Variants in EYS observed in about 807,000 individuals in gnomAD.
EYS encodes the protein EGF-like photoreceptor maintenance factor, also known as protein eyes shut homolog.
Under a neutral mutation model 282.1 loss-of-function variants are expected in EYS, and 250 were observed. The ratio of observed to expected loss-of-function variants is 0.89; its 90% CI spans 0.80 to 0.98. The LOEUF (loss-of-function observed/expected upper bound fraction) is 0.98, where lower values mean the gene tolerates loss of function less well. EYS is among the 50% of genes least tolerant of loss of function. The probability of loss-of-function intolerance (pLI) is 0.00; values close to 1 mark genes in which losing one functional copy is unlikely to be tolerated. For synonymous variants in EYS, 1,355 were observed against 1,282.9 expected (o/e 1.06, Z -1.20); for missense variants, 4,016 against 3,709.0 (o/e 1.08, Z -2.15).
chr6:65,560,391 T>G (rs1200039647), intron 2 of EYS, among the ~76,000 whole-genome samples: 1 of 147,336 alleles, frequency 6.8e-6, no homozygotes, highest in African/African-American at 2.5e-5. Flanking sequence ...ATATTGTATA[T>G]AATATATAAC....
At chr6:65,457,450 G>A (rs1764668627) in intron 5 of EYS, among the ~76,000 whole-genome samples, 1 of 152,000 alleles carries the variant, frequency 6.6e-6, no homozygotes, top group Non-Finnish European at 1.5e-5. Context: ...TAGATGTGAG[G>A]CACTGTGCCT....
chr6:65,631,793 C>G (rs991783623), intron 2 of EYS, among the ~76,000 whole-genome samples: 1 of 152,006 alleles, frequency 6.6e-6, no homozygotes, highest in Non-Finnish European at 1.5e-5. Flanking sequence ...AGTAGGTGTT[C>G]CAGGAACTGT....
At chr6:65,543,759 C>T (rs74344482) in intron 2 of EYS, among the ~76,000 whole-genome samples, 261 of 152,190 alleles carry the variant, frequency 1.7e-3, no homozygotes, top group Middle Eastern at 6.8e-3. Context: ...TTTGCTCTAA[C>T]ATTGTGAATC....
chr6:64,792,159 G>A (rs2150001087), intron 22 of EYS, among the ~76,000 whole-genome samples: 1 of 151,820 alleles, frequency 6.6e-6, no homozygotes, highest in Admixed American at 6.6e-5. Flanking sequence ...ATGGTATGAT[G>A]TCAGGTGGAT....
At position 65,692,010 on chromosome 6, in the gene EYS, T is replaced by G. The variant is rs375969312; in HGVS notation, c.-448+15125A>C. On this transcript the variant is annotated intron_variant, in intron 1 of 42. Transcript: ENST00000503581. ...GCAGCACTTCTCACAATAGGAGATA[T>G]GAAATACACTTAAGAGTCCATCAGT... 8.0e-5 allele frequency among the ~76,000 whole-genome samples: 12 copies of G among 150,046 alleles called. 1 individual carries two copies. Among genetic ancestry groups the G allele is most frequent in the African/African-American group, 2.9e-4 (12 of 41,142 alleles).
At chr6:65,416,122 A>G (rs1767223651) in intron 5 of EYS, among the ~76,000 whole-genome samples, 1 of 152,078 alleles carries the variant, frequency 6.6e-6, no homozygotes, top group Non-Finnish European at 1.5e-5. Flanking sequence ...TAAAGGCTCA[A>G]TAGTCTTTGT....
chr6:65,216,350 A>G (rs1233361185), intron 12 of EYS, among the ~76,000 whole-genome samples: 6 of 152,026 alleles, frequency 3.9e-5, no homozygotes, highest in Non-Finnish European at 7.4e-5. Flanking sequence ...TACATATATA[A>G]GTTATTTATA....
chr6:64,640,955 A>G (rs1448587127), intron 22 of EYS, among the ~76,000 whole-genome samples: 1 of 152,170 alleles, frequency 6.6e-6, no homozygotes, highest in Non-Finnish European at 1.5e-5. Context: ...TTCATTAACG[A>G]CATGACATTT....
At chr6:65,358,639 T>C in intron 8 of EYS, among the ~76,000 whole-genome samples, 1 of 130,354 alleles carries the variant, frequency 7.7e-6, no homozygotes, top group South Asian at 2.4e-4. Flanking sequence ...TGTGTGTGTG[T>C]TGGGAGAAGG....
chr6:64,091,671 A>G (rs1306203780), intron 31 of EYS, among the ~76,000 whole-genome samples: 1 of 152,156 alleles, frequency 6.6e-6, no homozygotes, highest in Non-Finnish European at 1.5e-5. Context: ...CTGTTTAAAC[A>G]TGACCATGTG....
intron 26 of EYS, among the ~76,000 whole-genome samples, chr6:64,463,123 G>A (rs999860632): frequency 1.3e-5 from 2 of 151,200 alleles, no homozygotes; most frequent in East Asian, 3.9e-4. Flanking sequence ...TTTATTTTTT[G>A]GATTTTTTTA....
At chr6:64,646,616 A>G (rs1360467712) in intron 22 of EYS, among the ~76,000 whole-genome samples, 1 of 152,022 alleles carries the variant, frequency 6.6e-6, no homozygotes, top group African/African-American at 2.4e-5. Flanking sequence ...ATCCTGGCTA[A>G]CACGGTGAAA....
At chr6:65,563,875 A>T (rs750009058) in intron 2 of EYS, among the ~76,000 whole-genome samples, 10 of 152,168 alleles carry the variant, frequency 6.6e-5, no homozygotes, top group Non-Finnish European at 1.2e-4. Flanking sequence ...TATATTTAGA[A>T]AACCCCATCG....
At chr6:65,655,927 G>T (rs1429969059) in intron 1 of EYS, among the ~76,000 whole-genome samples, 2 of 151,822 alleles carry the variant, frequency 1.3e-5, no homozygotes, top group Non-Finnish European at 2.9e-5. Flanking sequence ...TTTGAAAGAA[G>T]TACATTGGTG....
At chr6:63,993,006 C>T (rs1262522171) in intron 34 of EYS, among the ~76,000 whole-genome samples, 10 of 151,726 alleles carry the variant, frequency 6.6e-5, no homozygotes, top group Non-Finnish European at 1.3e-4. Flanking sequence ...GTTCTTCCTG[C>T]GTTCATTCTC....
Position 65,425,969 on chromosome 6 carries a change from C to G in EYS, c.863-20602G>C, listed in dbSNP as rs137991247. Among the ~76,000 whole-genome samples the G allele has an allele frequency of 3.3e-3, 499 of 152,138 alleles. 4 individuals are homozygous for G. The highest frequency in any genetic ancestry group is 0.011 in the African/African-American group (444 of 41,540). Reference sequence around the variant, plus strand: ...AACAAAGACTTCTTAATAAGTCAAACAGAAGAATTCCATTTTAAGTTTTAG... The same window carrying G: ...AACAAAGACTTCTTAATAAGTCAAAGAGAAGAATTCCATTTTAAGTTTTAG... On this transcript the variant is annotated intron_variant, in intron 5 of 42. Coordinates refer to ENST00000503581, the MANE Select transcript of EYS (RefSeq NM_001142800.2).
intron 29 of EYS, among the ~76,000 whole-genome samples, chr6:64,375,765 G>A (rs1478216084): frequency 6.6e-6 from 1 of 151,988 alleles, no homozygotes; most frequent in African/African-American, 2.4e-5. Context: ...TTTTAGAGAA[G>A]GACAAAGGAA....
chr6:64,915,108 C>T (rs895529934), intron 15 of EYS, among the ~76,000 whole-genome samples: 24 of 151,910 alleles, frequency 1.6e-4, no homozygotes, highest in Non-Finnish European at 3.1e-4. Context: ...TTCTAAGGTG[C>T]TTTTTTTAAA....
chr6:64,415,353 A>G (rs1774026867), intron 28 of EYS, among the ~76,000 whole-genome samples: 1 of 152,192 alleles, frequency 6.6e-6, no homozygotes, highest in Non-Finnish European at 1.5e-5. Flanking sequence ...TGTATTTTCA[A>G]TTCTGCTTTT....
Sources: allele counts gnomAD v4.1 joint callset (sites outside exome capture counted in the v4.1 genomes callset), GRCh38; gene constraint gnomAD v4.1.1; transcripts MANE v1.5; gene names NCBI Gene and HGNC (gene_info 2026-07-23, HGNC 2026-07-21).